Variants in SHOX observed in about 807,000 individuals in gnomAD.
The protein encoded by SHOX is short stature homeobox protein.
SHOX carries 12 observed loss-of-function variants against 29.6 expected under a neutral mutation model. The observed-to-expected ratio is 0.41, with a 90% CI of 0.26 to 0.66. The LOEUF (loss-of-function observed/expected upper bound fraction) is 0.66, where lower values mean the gene tolerates loss of function less well. Among genes scored for constraint, SHOX ranks in the 30% least tolerant of loss-of-function variants. The pLI, the probability that SHOX is intolerant of heterozygous loss-of-function variation, is 0.35. For synonymous variants in SHOX, 214 were observed against 200.6 expected, an observed-to-expected ratio of 1.07 and a Z score of -0.57; for missense variants, 499 against 437.7, an observed-to-expected ratio of 1.14 and a Z score of -1.25.
Position 648,788 on chromosome X carries a change from A to G in SHOX, c.*4152A>G, listed in dbSNP as rs990879828. Among the ~76,000 whole-genome samples, 1 of 151,616 alleles carries G rather than the reference A, an allele frequency of 6.6e-6. No individual in the cohort carries two copies. The highest frequency in any genetic ancestry group is 2.4e-5 in the African/African-American group (1 of 41,296). On this transcript the variant is annotated 3_prime_UTR_variant, in exon 5 of 5. Transcript: ENST00000686671. ...AATGAGTGTGGGGTACGTGTATGCT[A>G]GCTGCTTCTTTCTCCCTGAAACTCT...
In SHOX at chrX:651,419, A is replaced by T. The variant is rs1314513300; in HGVS notation, c.*6783A>T. 2.2e-6 allele frequency: 1 copy of T among 453,972 alleles called. No homozygotes were observed. The highest frequency in any genetic ancestry group is 2.4e-5 in the Admixed American group (1 of 42,230). 28.1% of individuals were successfully genotyped at this position (453,972 alleles called of 1,614,324 possible). A position where few individuals can be genotyped will look rare whatever the true frequency, so the allele number is the denominator to read the frequency against. Reference sequence around the variant, plus strand: ...AAAACAAACAAACAAACAGAAAAAAAAACCAAAAAAAACCACCCTGAGTTT... The same window carrying T: ...AAAACAAACAAACAAACAGAAAAAATAACCAAAAAAAACCACCCTGAGTTT... On this transcript the variant is annotated 3_prime_UTR_variant, in exon 5 of 5. Coordinates refer to ENST00000686671, the MANE Select transcript of SHOX (RefSeq NM_000451.4).
In SHOX at chrX:630,932, T is replaced by C; in HGVS notation, c.35T>C (p.Phe12Ser). 1 of 1,613,658 alleles carries C rather than the reference T, an allele frequency of 6.2e-7. No individual in the cohort carries two copies. The highest frequency in any genetic ancestry group is 8.5e-7 in the Non-Finnish European group (1 of 1,179,810). ...CTCACGGCTTTTGTATCCAAGTCTT[T>C]TGACCAGAAAAGCAAGGACGGTAAC... ...EELTAFVSKS[F>S]DQKSKDGNGG... Residue 12 changes from phenylalanine to serine, a missense_variant, in exon 1 of 5, where the codon TTT (phenylalanine) becomes TCT (serine). Physicochemically the swap from Phe to Ser is radical, Grantham distance 155. Coordinates refer to ENST00000686671, the MANE Select transcript of SHOX (RefSeq NM_000451.4).
rs1569495690 is a variant in SHOX at position 648,918 on chromosome X, T to TCCTTCCTTCC, written c.*4282_*4283insCCTTCCTTCC. On this transcript the variant is annotated 3_prime_UTR_variant, in exon 5 of 5. Coordinates refer to ENST00000686671, the MANE Select transcript of SHOX (RefSeq NM_000451.4). ...TTCCTTCCTTCCTTCCTTTCTTTCTTTTTCTTTCTTTCTCTCTTTCTTTCT... is the reference window on the plus strand; with the variant it reads ...TTCCTTCCTTCCTTCCTTTCTTTCTTCCTTCCTTCCTTTCTTTCTTTCTCTCTTTCTTTCT... Among the ~76,000 whole-genome samples, 10 of 146,566 alleles carry TCCTTCCTTCC rather than the reference T, an allele frequency of 6.8e-5. No homozygotes were observed. Among genetic ancestry groups the TCCTTCCTTCC allele is most frequent in the African/African-American group, 2.5e-4 (10 of 39,380 alleles).
chrX:633,415 G>C (rs895608159), intron 1 of SHOX, among the ~76,000 whole-genome samples: 6 of 143,810 alleles, frequency 4.2e-5, no homozygotes, highest in Middle Eastern at 7.0e-3. Flanking sequence ...GCACGTGTCT[G>C]ATAGGAGGTG....
At chrX:658,852 C>T (rs1346343202) in exon 6 of SHOX, 1 of 376,812 alleles carries the variant, frequency 2.7e-6, no homozygotes, top group Non-Finnish European at 5.4e-6. Flanking sequence ...GCAACCTCCG[C>T]CTCCCGAGTT....
Position 641,235 on chromosome X carries a change from C to T in SHOX, c.633+148C>T, listed in dbSNP as rs779440728. On this transcript the variant is annotated intron_variant, in intron 4 of 4. Transcript: ENST00000686671. ...GCCCTTAGAAAAAAAGCCTCTTTTC[C>T]GAGGAGGCATTTACAGGCACCTTGG... 8.5e-5 allele frequency: 71 copies of T among 832,024 alleles called. 1 individual carries two copies. The highest frequency in any genetic ancestry group is 6.6e-4 in the South Asian group (46 of 69,274). The allele number at this position is 832,024 out of a possible 1,614,324, so 51.5% of individuals were successfully genotyped here.
At position 641,099 on chromosome X, in the gene SHOX, T is replaced by A. The variant is rs753775192; in HGVS notation, c.633+12T>A. ...TGCCTTTCCAACAGGTAGCTCACTT[T>A]TTCTTCCTCTGAAGATCCCTAGGGA... On this transcript the variant is annotated intron_variant, in intron 4 of 4. Transcript: ENST00000686671. 2 of 1,612,982 alleles carry A rather than the reference T, an allele frequency of 1.2e-6. No homozygotes were observed. The highest frequency in any genetic ancestry group is 2.2e-5 in the South Asian group (2 of 91,054).
At chrX:626,288 T>A (rs2052531276), upstream of SHOX, among the ~76,000 whole-genome samples, 1 of 148,888 alleles carries the variant, frequency 6.7e-6, no homozygotes, top group Admixed American at 6.6e-5. Flanking sequence ...TCTCTCTGTG[T>A]CTCTACCTCT....
chrX:632,715 G>T (rs113652554), intron 1 of SHOX, among the ~76,000 whole-genome samples: 1 of 152,188 alleles, frequency 6.6e-6, no homozygotes, highest in Non-Finnish European at 1.5e-5. Flanking sequence ...CGTCTAAGAG[G>T]CAGGAGCCCA....
At chrX:656,559 T>C (rs1179639410), downstream of SHOX, among the ~76,000 whole-genome samples, 2 of 152,014 alleles carry the variant, frequency 1.3e-5, no homozygotes, top group Non-Finnish European at 2.9e-5. Flanking sequence ...ATAAAACATT[T>C]AGTCAGCTGT....
In SHOX at chrX:651,234, A is replaced by T. The variant is rs937621256; in HGVS notation, c.*6598A>T. On this transcript the variant is annotated 3_prime_UTR_variant, in exon 5 of 5. Coordinates refer to ENST00000686671, the MANE Select transcript of SHOX (RefSeq NM_000451.4). ...GTTGCTTTTTCTTTTTCCCTCCCCC[A>T]TTGACGACATAGCGGCCCCCGCGTC... 4.5e-6 allele frequency: 2 copies of T among 447,328 alleles called. No homozygotes were observed. The highest frequency in any genetic ancestry group is 4.5e-6 in the Non-Finnish European group (1 of 222,146). 27.7% of individuals were successfully genotyped at this position (447,328 alleles called of 1,614,324 possible). A position where few individuals can be genotyped will look rare whatever the true frequency, so the allele number is the denominator to read the frequency against.
Position 644,795 on chromosome X carries a change from G to A in SHOX, c.*159G>A, listed in dbSNP as rs2052934774. 40 of 1,020,718 alleles carry A rather than the reference G, an allele frequency of 3.9e-5. No individual in the cohort carries two copies. The South Asian group carries it at 9.2e-4, about 23-fold the overall frequency. The allele number at this position is 1,020,718 out of a possible 1,614,324, so 63.2% of individuals were successfully genotyped here. On this transcript the variant is annotated 3_prime_UTR_variant, in exon 5 of 5. Transcript: ENST00000686671. ...AAGAGGCCTGAGGAGGGAGGCTCCC[G>A]GGACCGTCCACGCACGACCCAGCCA...
intron 2 of SHOX, among the ~76,000 whole-genome samples, chrX:635,853 G>T (rs1397570238): frequency 2.6e-5 from 2 of 76,666 alleles, no homozygotes; most frequent in Non-Finnish European, 5.2e-5. Context: ...AGAAGTGGGG[G>T]GAGGGAGAGA....
Position 646,712 on chromosome X carries a change from C to T in SHOX, c.*2076C>T, listed in dbSNP as rs747584370. 1.9e-4 allele frequency: 29 copies of T among 151,100 alleles called. No homozygotes were observed. The highest frequency in any genetic ancestry group is 9.7e-4 in the East Asian group (5 of 5,142). The allele number at this position is 151,100 out of a possible 1,614,324, so 9.4% of individuals were successfully genotyped here. ...AAATGTTACAACCGCTGTAAAATGA[C>T]GGAGAGAGAGAGAAAGAATCCCAGA... On this transcript the variant is annotated 3_prime_UTR_variant, in exon 5 of 5. Coordinates refer to ENST00000686671, the MANE Select transcript of SHOX (RefSeq NM_000451.4).
At chrX:633,668 C>A (rs1308359735) in intron 1 of SHOX, among the ~76,000 whole-genome samples, 13 of 152,088 alleles carry the variant, frequency 8.5e-5, no homozygotes, top group Non-Finnish European at 1.6e-4. Context: ...GCCCCTTACC[C>A]TTGACAGCAA....
intron 2 of SHOX, among the ~76,000 whole-genome samples, chrX:637,466 G>A (rs2052777812): frequency 2.0e-5 from 3 of 151,854 alleles, no homozygotes; most frequent in South Asian, 4.2e-4. Context: ...TTGGTTGTGG[G>A]GTGTGTGCGG....
intron 5 of SHOX, among the ~76,000 whole-genome samples, chrX:656,637 C>T (rs1265207523): frequency 1.3e-5 from 2 of 152,058 alleles, no homozygotes; most frequent in Admixed American, 6.6e-5. Context: ...GTCATGAGAT[C>T]GAGACCATCC....
intron 2 of SHOX, among the ~76,000 whole-genome samples, chrX:637,604 A>G (rs1047402319): frequency 6.6e-6 from 1 of 152,120 alleles, no homozygotes; most frequent in African/African-American, 2.4e-5. Flanking sequence ...AATAAAAGAC[A>G]TAATTCTCCA....
Position 648,488 on chromosome X carries a change from C to A in SHOX, c.*3852C>A, listed in dbSNP as rs183690618. ...GTTGACCTGCCCGCTTTGTCCCTCG[C>A]AAAGTGCTGGGATTACAGGCGTGAG... On this transcript the variant is annotated 3_prime_UTR_variant, in exon 5 of 5. Transcript: ENST00000686671. Among the ~76,000 whole-genome samples, 1,268 of 152,316 alleles carry A rather than the reference C, an allele frequency of 8.3e-3. 16 individuals carry two copies. Among genetic ancestry groups the A allele is most frequent in the African/African-American group, 0.029 (1,186 of 41,558 alleles).
Sources: allele counts gnomAD v4.1 joint callset (sites outside exome capture counted in the v4.1 genomes callset), GRCh38; gene constraint gnomAD v4.1.1; transcripts MANE v1.5; gene names NCBI Gene and HGNC (gene_info 2026-07-23, HGNC 2026-07-21).